Variants in TSBP1 observed in about 807,000 individuals in gnomAD.
TSBP1 encodes testis expressed basic protein 1.
Under a neutral mutation model 68.8 loss-of-function variants are expected in TSBP1, and 56 were observed. The observed-to-expected ratio is 0.81, with a 90% CI of 0.66 to 1.02. The LOEUF is 1.02. Ranked by LOEUF, TSBP1 falls within the 50% of genes least tolerant of loss-of-function variation. The probability of loss-of-function intolerance (pLI) is 0.00; values close to 1 mark genes in which losing one functional copy is unlikely to be tolerated. For synonymous variants in TSBP1, 171 were observed against 208.7 expected, an observed-to-expected ratio of 0.82 and a Z score of 1.56; for missense variants, 502 against 641.2, an observed-to-expected ratio of 0.78 and a Z score of 2.34.
At position 32,335,879 on chromosome 6, in the gene TSBP1, T is replaced by C; in HGVS notation, c.451+33A>G. ...CCTAAGATACTGCAGGAAAGTAAAA[T>C]GCTCACTGTGGAGAATCAGAGAGCA... On this transcript the variant is annotated intron_variant, in intron 13 of 22. Transcript: ENST00000612031. This position sits in a 1 kb window ranked among gnomAD's most constrained non-coding sequence, Gnocchi z 5.5. The C allele has an allele frequency of 6.3e-7, 1 of 1,575,066 alleles. No individual in the cohort carries two copies.
chr6:32,362,376 T>C (rs9268326), intron 6 of TSBP1, among the ~76,000 whole-genome samples: 50,975 of 151,644 alleles, frequency 0.34, 9,607 homozygotes, highest in Middle Eastern at 0.52. Flanking sequence ...TTCAGGAATC[T>C]GCAGAGAGTC....
chr6:32,347,673 T>C (rs1379748079), intron 9 of TSBP1, among the ~76,000 whole-genome samples: 1 of 152,198 alleles, frequency 6.6e-6, no homozygotes, highest in Non-Finnish European at 1.5e-5. Flanking sequence ...CAATGGCTTA[T>C]TGTGGTGCTC....
intron 19 of TSBP1, among the ~76,000 whole-genome samples, chr6:32,313,360 G>T (rs1411469247): frequency 6.6e-6 from 1 of 152,216 alleles, no homozygotes; most frequent in Non-Finnish European, 1.5e-5. Context: ...TATTTCCAGT[G>T]CTTAGGATAA....
intron 1 of TSBP1, 87 bp downstream of exon 1, chr6:32,371,607 C>G: frequency 1.1e-6 from 1 of 901,222 alleles, no homozygotes; most frequent in Non-Finnish European, 1.9e-6. Context: ...GAAGATAAAG[C>G]AGTTGTGTTA....
intron 4 of TSBP1, among the ~76,000 whole-genome samples, chr6:32,367,102 C>T (rs1773830388): frequency 6.6e-6 from 1 of 150,906 alleles, no homozygotes; most frequent in Admixed American, 6.6e-5. Flanking sequence ...TCCACAATCT[C>T]ATAACCTTAT....
At position 32,338,263 on chromosome 6, in the gene TSBP1, C is replaced by T. The variant is rs568702350; in HGVS notation, c.409+716G>A. Among the ~76,000 whole-genome samples, 13 of 151,926 alleles carry T rather than the reference C, an allele frequency of 8.6e-5. No homozygotes were observed. Among genetic ancestry groups the T allele is most frequent in the Non-Finnish European group, 1.6e-4 (11 of 68,004 alleles). Reference sequence around the variant, plus strand: ...AAATGCAGAGTCTGATTTAGTAGGTCGGGGTGGGCAATAGGCTGAGACTCT... The same window carrying T: ...AAATGCAGAGTCTGATTTAGTAGGTTGGGGTGGGCAATAGGCTGAGACTCT... On this transcript the variant is annotated intron_variant, in intron 11 of 22. Coordinates refer to ENST00000612031, the Ensembl canonical transcript of TSBP1. This position sits in a 1 kb window ranked among gnomAD's most constrained non-coding sequence, Gnocchi z 5.5.
At chr6:32,295,349 C>CAAAAAAAAAAAA (rs3038432) in intron 22 of TSBP1, among the ~76,000 whole-genome samples, 3 of 90,844 alleles carry the variant, frequency 3.3e-5, no homozygotes, top group Non-Finnish European at 4.7e-5. Flanking sequence ...CACACACACA[C>CAAAAAAAAAAAA]AAAAAAAAAA....
chr6:32,318,318 T>C (rs985168685), intron 18 of TSBP1, among the ~76,000 whole-genome samples: 6 of 152,008 alleles, frequency 3.9e-5, no homozygotes, highest in Admixed American at 1.3e-4. Context: ...TGAGAGGACG[T>C]AGACAGTCAG....
At chr6:32,349,548 C>A in intron 9 of TSBP1, 192 bp downstream of exon 9, 2 of 566,144 alleles carry the variant, frequency 3.5e-6, no homozygotes, top group Non-Finnish European at 3.1e-6. Flanking sequence ...TCATAATAAA[C>A]CACTAGAAAC....
chr6:32,355,062 G>GA, intron 8 of TSBP1, 62 bp downstream of exon 8: 1 of 1,453,270 alleles, frequency 6.9e-7, no homozygotes, highest in Non-Finnish European at 9.4e-7. Context: ...AAAAAATACA[G>GA]AAAAAATAGG....
At chr6:32,351,323 T>C (rs1036705885) in intron 8 of TSBP1, among the ~76,000 whole-genome samples, 1 of 152,138 alleles carries the variant, frequency 6.6e-6, no homozygotes, top group Non-Finnish European at 1.5e-5. Flanking sequence ...TTAGGAGCCA[T>C]TATTTGAAGA....
At chr6:32,339,433 T>C (rs1441769814) in intron 10 of TSBP1, 167 bp downstream of exon 11, 1 of 723,428 alleles carries the variant, frequency 1.4e-6, no homozygotes, top group Admixed American at 1.9e-5. Flanking sequence ...CATCTTTATG[T>C]GCTTTCTCAC....
intron 18 of TSBP1, among the ~76,000 whole-genome samples, chr6:32,319,790 G>A (rs9268230): frequency 0.69 from 103,445 of 151,006 alleles, 35,671 homozygotes; most frequent in South Asian, 0.82. Context: ...CTCAACATAT[G>A]AACTCCTTAA....
At chr6:32,299,179 T>C (rs1466076681) in intron 22 of TSBP1, among the ~76,000 whole-genome samples, 1 of 152,200 alleles carries the variant, frequency 6.6e-6, no homozygotes, top group Admixed American at 6.5e-5. Context: ...TTACCAACTC[T>C]TTAACCTTGG....
intron 22 of TSBP1, among the ~76,000 whole-genome samples, chr6:32,297,647 T>C (rs2127559138): frequency 6.6e-6 from 1 of 152,348 alleles, no homozygotes; most frequent in South Asian, 2.1e-4. Flanking sequence ...TACTTATTAG[T>C]TGAATGAGGA....
chr6:32,323,002 G>T, intron 18 of TSBP1, 115 bp downstream of exon 19: 1 of 739,914 alleles, frequency 1.4e-6, no homozygotes, highest in Non-Finnish European at 2.2e-6. Context: ...AAAATTATAG[G>T]GCAAGCAGGG....
At position 32,336,705 on chromosome 6, in the gene TSBP1, A is replaced by C; in HGVS notation, c.410-70T>G. ...TTTTCATTTTACCAGTATTGTTTCT[A>C]AAGAAACTATGAAGCAATTCAACCA... On this transcript the variant is annotated intron_variant, in intron 11 of 22. Coordinates refer to ENST00000612031, the Ensembl canonical transcript of TSBP1. The surrounding 1 kb of genome is among the most constrained non-coding windows in gnomAD (Gnocchi z 5.2). 1 of 1,427,434 alleles carries C rather than the reference A, an allele frequency of 7.0e-7. No individual in the cohort carries two copies. Among genetic ancestry groups the C allele is most frequent in the Non-Finnish European group, 9.9e-7 (1 of 1,014,204 alleles). The allele number at this position is 1,427,434 out of a possible 1,614,324, so 88.4% of individuals were successfully genotyped here.
At position 32,357,861 on chromosome 6, in the gene TSBP1, C is replaced by A. The variant is rs188817062; in HGVS notation, c.218-2192G>T. On this transcript the variant is annotated intron_variant, in intron 6 of 22. Transcript: ENST00000612031. The surrounding 1 kb of genome is among the most constrained non-coding windows in gnomAD (Gnocchi z 4.7). The stretch of plus-strand genomic sequence containing the variant: ...TAAGAGTGAGATGCCTTTCATATAT[C>A]TTCAGGACACGTGTGCTATGATTAT... Among the ~76,000 whole-genome samples the A allele has an allele frequency of 1.6e-3, 248 of 152,218 alleles. 10 individuals carry two copies. The East Asian group carries it at 0.035, about 22-fold the overall frequency.
intron 16 of TSBP1, among the ~76,000 whole-genome samples, chr6:32,327,967 T>C (rs9268249): frequency 1.4e-5 from 2 of 145,780 alleles, no homozygotes; most frequent in African/African-American, 5.0e-5. Context: ...TATTATTATT[T>C]TTTTTTTTTT....
Sources: gnomAD v4.1 joint callset for allele counts (sites outside exome capture counted in the v4.1 genomes callset) on GRCh38, gnomAD v4.1.1 for gene constraint, Gnocchi (gnomAD v3.1) non-coding constraint, MANE v1.5 for transcripts, NCBI Gene and HGNC (gene_info 2026-07-23, HGNC 2026-07-21) for gene names.